MFGE8: variants seen among roughly 807,000 people sequenced by gnomAD.
The protein encoded by MFGE8 is lactadherin.
A neutral mutation model predicts 42.6 loss-of-function variants in MFGE8; 34 were observed. The observed-to-expected ratio is 0.80, with a 90% CI of 0.61 to 1.06. The LOEUF (loss-of-function observed/expected upper bound fraction) is 1.06, where lower values mean the gene tolerates loss of function less well. MFGE8 is among the 50% of genes least tolerant of loss of function. The probability of loss-of-function intolerance (pLI) is 0.00; values close to 1 mark genes in which losing one functional copy is unlikely to be tolerated. For missense variants in MFGE8, 510 were observed against 516.9 expected (o/e 0.99, Z 0.13); for synonymous variants, 230 against 214.8 (o/e 1.07, Z -0.62).
chr15:88,912,456 G>T (rs1443511914), intron 1 of MFGE8: 16 of 985,254 alleles, frequency 1.6e-5, no homozygotes, highest in Non-Finnish European at 1.9e-5. Context: ...ATTTCTATGA[G>T]AAAATGATGG....
At position 88,899,359 on chromosome 15, in the gene MFGE8, T is replaced by G. The variant is rs200624024; in HGVS notation, c.*36A>C. 6.2e-7 allele frequency: 1 copy of G among 1,612,942 alleles called. No individual in the cohort carries two copies. Among genetic ancestry groups the G allele is most frequent in the South Asian group, 1.1e-5 (1 of 91,068 alleles). On this transcript the variant is annotated 3_prime_UTR_variant, in exon 8 of 8. Transcript: ENST00000268150. The surrounding 1 kb of genome is among the most constrained non-coding windows in gnomAD (Gnocchi z 6.8). Reference sequence around the variant, plus strand: ...GAGAAGCCAAGAGGCAGCGGGCCCATGGAAAGCAGGAAGACCTGGGGGTGG... The same window carrying G: ...GAGAAGCCAAGAGGCAGCGGGCCCAGGGAAAGCAGGAAGACCTGGGGGTGG...
intron 1 of MFGE8, 149 bp downstream of exon 1, chr15:88,913,098 C>T: frequency 7.6e-7 from 1 of 1,317,598 alleles, no homozygotes; most frequent in Non-Finnish European, 9.6e-7. Context: ...CGCCAGGGCG[C>T]AGCGGAAGAA....
At position 88,906,698 on chromosome 15, in the gene MFGE8, C is replaced by T. The variant is rs1474607691; in HGVS notation, c.468G>A (p.Lys156=). Residue 156 remains lysine, a synonymous_variant, in exon 4 of 8, where the codon AAG becomes AAA. Transcript: ENST00000268150. This position sits in a 1 kb window ranked among gnomAD's most constrained non-coding sequence, Gnocchi z 4.2. ...ASRLASHEYL[K]AFKVAYSLNG... Reference sequence around the variant, plus strand: ...TAAGGCTGTAGGCCACCTTGAAGGCCTTCAGGTACTCATGACTGGCCAAGC... The same window carrying T: ...TAAGGCTGTAGGCCACCTTGAAGGCTTTCAGGTACTCATGACTGGCCAAGC... The T allele has an allele frequency of 2.5e-5, 41 of 1,613,854 alleles. No homozygotes were observed. In the Admixed American group the frequency reaches 6.5e-4, roughly 26 times the overall value.
At chr15:88,907,710 C>CCT (rs1418990504) in intron 2 of MFGE8, among the ~76,000 whole-genome samples, 2 of 151,066 alleles carry the variant, frequency 1.3e-5, no homozygotes, top group Non-Finnish European at 3.0e-5. Flanking sequence ...GTAGAGTCCC[C>CCT]CCCGCCAGGC....
At position 88,899,308 on chromosome 15, in the gene MFGE8, C is replaced by A; in HGVS notation, c.*87G>T. ...GAACACCCTCCCCTTCCCCAGTCCC[C>A]AGCCCTATGGTGATTTAAAGGGGCT... On this transcript the variant is annotated 3_prime_UTR_variant, in exon 8 of 8. Coordinates refer to ENST00000268150, the MANE Select transcript of MFGE8 (RefSeq NM_005928.4). This position sits in a 1 kb window ranked among gnomAD's most constrained non-coding sequence, Gnocchi z 6.8. 6.3e-7 allele frequency: 1 copy of A among 1,580,494 alleles called. No homozygotes were observed. The highest frequency in any genetic ancestry group is 8.6e-7 in the Non-Finnish European group (1 of 1,161,996).
intron 1 of MFGE8, chr15:88,912,072 G>A (rs992040073): frequency 3.9e-6 from 5 of 1,273,712 alleles, no homozygotes; most frequent in Non-Finnish European, 5.1e-6. Context: ...GGGCAAAACG[G>A]TCCAGTGGGA....
rs1201104140 is a variant in MFGE8, at chr15:88,899,030, TGA to T, written c.*363_*364del. The T allele has an allele frequency of 1.5e-5, 5 of 338,710 alleles. No homozygotes were observed. Among genetic ancestry groups the T allele is most frequent in the South Asian group, 3.0e-5 (1 of 33,716 alleles). 21.0% of individuals were successfully genotyped at this position (338,710 alleles called of 1,614,324 possible). On this transcript the variant is annotated 3_prime_UTR_variant, in exon 8 of 8. Coordinates refer to ENST00000268150, the MANE Select transcript of MFGE8 (RefSeq NM_005928.4). The surrounding 1 kb of genome is among the most constrained non-coding windows in gnomAD (Gnocchi z 6.8). The stretch of plus-strand genomic sequence containing the variant: ...GAGGCCACCATGGGAATGTGATGTG[TGA>T]GAGAGGGGCTAGGAGAGACAGAGAC...
intron 2 of MFGE8, 78 bp from the exon 3 acceptor site, chr15:88,907,454 A>G (rs1455723915): frequency 3.9e-6 from 5 of 1,298,198 alleles, no homozygotes; most frequent in East Asian, 2.3e-5. Flanking sequence ...GGACAAGAAA[A>G]TAAGACTGTA....
In MFGE8 at chr15:88,903,972, GT is replaced by G. The variant is rs1003051783; in HGVS notation, c.685+1784del. On this transcript the variant is annotated intron_variant, in intron 5 of 7. Transcript: ENST00000268150. This position sits in a 1 kb window ranked among gnomAD's most constrained non-coding sequence, Gnocchi z 4.9. Reference sequence around the variant, plus strand: ...CCTGCAGTGCTCTTTTTGCAGTGCTGTTTTTAAGTTTTTCATGTGGCTGGCT... The same window carrying G: ...CCTGCAGTGCTCTTTTTGCAGTGCTGTTTTAAGTTTTTCATGTGGCTGGCT... The G allele has an allele frequency of 2.0e-5, 3 of 152,302 alleles. No homozygotes were observed. Among genetic ancestry groups the G allele is most frequent in the African/African-American group, 7.2e-5 (3 of 41,438 alleles). The allele number at this position is 152,302 out of a possible 1,614,324, so 9.4% of individuals were successfully genotyped here. A position where few individuals can be genotyped will look rare whatever the true frequency, so the allele number is the denominator to read the frequency against.
At position 88,913,220 on chromosome 15, in the gene MFGE8, G is replaced by C. The variant is rs1340217965; in HGVS notation, c.73+27C>G. The C allele has an allele frequency of 1.1e-5, 17 of 1,495,154 alleles. No homozygotes were observed. In the South Asian group the frequency reaches 1.9e-4, roughly 16 times the overall value. 92.6% of individuals were successfully genotyped at this position (1,495,154 alleles called of 1,614,324 possible). ...GAGCGGCGCGGGGAGGAGGGGCGAG[G>C]GGCAGAGGGCGGCGCGATCCACTCA... On this transcript the variant is annotated intron_variant, in intron 1 of 7. Coordinates refer to ENST00000268150, the MANE Select transcript of MFGE8 (RefSeq NM_005928.4).
Position 88,899,614 on chromosome 15 carries a change from A to C in MFGE8, c.1026+42T>G, listed in dbSNP as rs1471825690. On this transcript the variant is annotated intron_variant, in intron 7 of 7. Coordinates refer to ENST00000268150, the MANE Select transcript of MFGE8 (RefSeq NM_005928.4). This position sits in a 1 kb window ranked among gnomAD's most constrained non-coding sequence, Gnocchi z 6.8. Reference sequence around the variant, plus strand: ...CCCAGGCCAGACTCCCAGGGAAGTAATGAAGGAATGGCAAAGGGTGGGCAG... The same window carrying C: ...CCCAGGCCAGACTCCCAGGGAAGTACTGAAGGAATGGCAAAGGGTGGGCAG... 6.2e-7 allele frequency: 1 copy of C among 1,614,142 alleles called. No homozygotes were observed. The highest frequency in any genetic ancestry group is 8.5e-7 in the Non-Finnish European group (1 of 1,180,010).
intron 5 of MFGE8, 28 bp from the exon 6 acceptor site, chr15:88,901,763 A>T: frequency 6.2e-7 from 1 of 1,612,630 alleles, no homozygotes. Flanking sequence ...TGTCATCTGG[A>T]TCTGGGATCC....
At chr15:88,901,468 TGGGCTGGAGAGAGGTCAAAGA>T in intron 6 of MFGE8, 62 bp downstream of exon 6, 1 of 1,396,084 alleles carries the variant, frequency 7.2e-7, no homozygotes, top group Non-Finnish European at 1.0e-6. Flanking sequence ...AAGAGAAGCC[TGGGCTGGAGAGAGGTCAAAGA>T]TCTGGCAGTC....
At chr15:88,911,312 C>T (rs1176373643) in intron 1 of MFGE8, among the ~76,000 whole-genome samples, 2 of 152,208 alleles carry the variant, frequency 1.3e-5, no homozygotes, top group African/African-American at 4.8e-5. Flanking sequence ...TCCTCAATCC[C>T]TTGACTCTGG....
intron 2 of MFGE8, among the ~76,000 whole-genome samples, chr15:88,908,768 A>G (rs1898818166): frequency 6.6e-6 from 1 of 152,070 alleles, no homozygotes; most frequent in Admixed American, 6.5e-5. Context: ...CCAGGATCTC[A>G]AACACATCTG....
chr15:88,907,190 C>T lies in MFGE8; in HGVS notation c.387+5G>A. 1.9e-6 allele frequency: 3 copies of T among 1,612,350 alleles called. No individual in the cohort carries two copies. Among genetic ancestry groups the T allele is most frequent in the Non-Finnish European group, 2.5e-6 (3 of 1,179,144 alleles). On this transcript the variant is annotated splice_donor_5th_base_variant and intron_variant, in intron 3 of 7. Coordinates refer to ENST00000268150, the MANE Select transcript of MFGE8 (RefSeq NM_005928.4). ...GCCCCGCCCCAGGGCCATCCCCAGG[C>T]ATACCTGGATCCAGGGGTTATCGTC...
intron 1 of MFGE8, 111 bp downstream of exon 1, chr15:88,913,135 CG>C: frequency 1.4e-6 from 2 of 1,389,722 alleles, no homozygotes; most frequent in Non-Finnish European, 9.3e-7. Flanking sequence ...GCCCGGTCCC[CG>C]GGGCTTTGTC....
rs1898241935 is a variant in MFGE8 at position 88,899,180 on chromosome 15, A to G, written c.*215T>C. The G allele has an allele frequency of 1.6e-6, 1 of 636,628 alleles. No homozygotes were observed. The highest frequency in any genetic ancestry group is 2.7e-6 in the Non-Finnish European group (1 of 367,678). The allele number at this position is 636,628 out of a possible 1,614,324, so 39.4% of individuals were successfully genotyped here. On this transcript the variant is annotated 3_prime_UTR_variant, in exon 8 of 8. Transcript: ENST00000268150. This position sits in a 1 kb window ranked among gnomAD's most constrained non-coding sequence, Gnocchi z 6.8. ...TGCCTAAGAAAACAGGACAGTGAGG[A>G]CTGGGGGTTAGGGGACGGGGCTTAG...
rs761945375 is a variant in MFGE8, at chr15:88,905,953, C to T, written c.541-52G>A. 6.8e-6 allele frequency: 11 copies of T among 1,607,268 alleles called. No homozygotes were observed. In the East Asian group the frequency reaches 8.9e-5, roughly 13 times the overall value. On this transcript the variant is annotated intron_variant, in intron 4 of 7. Coordinates refer to ENST00000268150, the MANE Select transcript of MFGE8 (RefSeq NM_005928.4). This position sits in a 1 kb window ranked among gnomAD's most constrained non-coding sequence, Gnocchi z 6.6. ...AAGGGGGTCCATCTGAGCAGTCCCCCTCCCTGGGGTTACCTCATCTTCCTC... is the reference window on the plus strand; with the variant it reads ...AAGGGGGTCCATCTGAGCAGTCCCCTTCCCTGGGGTTACCTCATCTTCCTC...
Sources: allele counts gnomAD v4.1 joint callset (sites outside exome capture counted in the v4.1 genomes callset), GRCh38; gene constraint gnomAD v4.1.1; non-coding constraint Gnocchi (gnomAD v3.1); transcripts MANE v1.5; gene names NCBI Gene and HGNC (gene_info 2026-07-23, HGNC 2026-07-21).